GFM2: variants seen among roughly 807,000 people sequenced by gnomAD.
GFM2 encodes ribosome-releasing factor 2, mitochondrial.
A neutral mutation model predicts 95.4 loss-of-function variants in GFM2; 72 were observed. The observed-to-expected ratio is 0.76, with a 90% CI of 0.62 to 0.92. The LOEUF (loss-of-function observed/expected upper bound fraction) is 0.92, where lower values mean the gene tolerates loss of function less well. Ranked by LOEUF, GFM2 falls within the 40% of genes least tolerant of loss-of-function variation. GFM2 has a pLI of 0.00. For missense variants in GFM2, 825 were observed against 924.1 expected, an observed-to-expected ratio of 0.89 and a Z score of 1.39; for synonymous variants, 276 against 317.5, an observed-to-expected ratio of 0.87 and a Z score of 1.39.
In GFM2 at chr5:74,766,956, C is replaced by A. The variant is rs1168369107; in HGVS notation, c.-43G>T. ...TACTCACCTGGCATTAGGCCGCGTGCCGCAGGCCAGCTCTCACCGCTGGGC... is the reference window on the plus strand; with the variant it reads ...TACTCACCTGGCATTAGGCCGCGTGACGCAGGCCAGCTCTCACCGCTGGGC... On this transcript the variant is annotated 5_prime_UTR_variant, in exon 1 of 21. Coordinates refer to ENST00000296805, the MANE Select transcript of GFM2 (RefSeq NM_032380.5). The A allele has an allele frequency of 1.1e-5, 2 of 185,060 alleles. No individual in the cohort carries two copies. Among genetic ancestry groups the A allele is most frequent in the Non-Finnish European group, 2.3e-5 (2 of 86,060 alleles). 11.5% of individuals were successfully genotyped at this position (185,060 alleles called of 1,614,324 possible).
chr5:74,755,602 C>A (rs376249756), intron 5 of GFM2, among the ~76,000 whole-genome samples: 1 of 152,058 alleles, frequency 6.6e-6, no homozygotes, highest in Non-Finnish European at 1.5e-5. Flanking sequence ...AACACCTTTA[C>A]GCGCATAAAC....
intron 10 of GFM2, among the ~76,000 whole-genome samples, chr5:74,742,335 T>C (rs181909555): frequency 2.4e-4 from 37 of 152,050 alleles, no homozygotes; most frequent in African/African-American, 8.0e-4. Flanking sequence ...GAAAGCATTA[T>C]ATGTGATGGT....
At chr5:74,722,123 A>G (rs1749919860) in intron 20 of GFM2, among the ~76,000 whole-genome samples, 1 of 152,154 alleles carries the variant, frequency 6.6e-6, no homozygotes, top group South Asian at 2.1e-4. Context: ...AATGCTTGGC[A>G]GGGAAAAAAT....
At chr5:74,726,210 A>C (rs1750141044) in intron 17 of GFM2, 84 bp from the exon 18 acceptor site, 1 of 875,832 alleles carries the variant, frequency 1.1e-6, no homozygotes, top group Non-Finnish European at 1.8e-6. Context: ...TATCATCAAC[A>C]AGCTCAGGGT....
In GFM2 at chr5:74,765,039, G is replaced by C. The variant is rs527912893; in HGVS notation, c.-24-1273C>G. On this transcript the variant is annotated intron_variant, in intron 1 of 20. Coordinates refer to ENST00000296805, the MANE Select transcript of GFM2 (RefSeq NM_032380.5). The stretch of plus-strand genomic sequence containing the variant: ...GACCTCAAGTGATCTACCCACCTCG[G>C]CCTCCCAAAGTGCTGGGATTACAGG... 29 of 868,488 alleles carry C rather than the reference G, an allele frequency of 3.3e-5. 1 individual carries two copies. In the South Asian group the frequency reaches 4.0e-4, roughly 12 times the overall value. 53.8% of individuals were successfully genotyped at this position (868,488 alleles called of 1,614,324 possible). A position where few individuals can be genotyped will look rare whatever the true frequency, so the allele number is the denominator to read the frequency against.
intron 3 of GFM2, among the ~76,000 whole-genome samples, chr5:74,760,576 T>TA (rs974405051): frequency 1.9e-4 from 29 of 152,232 alleles, no homozygotes; most frequent in African/African-American, 6.7e-4. Flanking sequence ...AACACTTGCA[T>TA]AAAAAACAGA....
intron 5 of GFM2, among the ~76,000 whole-genome samples, chr5:74,757,320 G>A (rs1744038644): frequency 6.6e-6 from 1 of 151,932 alleles, no homozygotes. Context: ...CTTACTATGA[G>A]AGCAAGATCT....
At chr5:74,748,198 C>A (rs1448634411) in intron 7 of GFM2, among the ~76,000 whole-genome samples, 1 of 152,122 alleles carries the variant, frequency 6.6e-6, no homozygotes, top group Non-Finnish European at 1.5e-5. Context: ...GGAATTTTGC[C>A]TTAATTATTT....
At chr5:74,755,983 C>A (rs1029829007) in intron 5 of GFM2, among the ~76,000 whole-genome samples, 10 of 152,114 alleles carry the variant, frequency 6.6e-5, no homozygotes, top group Non-Finnish European at 1.5e-4. Context: ...TAACTGAATC[C>A]AACAGCATAC....
At chr5:74,723,324 G>A (rs1220531995) in intron 19 of GFM2, among the ~76,000 whole-genome samples, 1 of 152,256 alleles carries the variant, frequency 6.6e-6, no homozygotes, top group Admixed American at 6.5e-5. Flanking sequence ...CCTGCTTTGG[G>A]ATAGTGTCTG....
chr5:74,752,255 A>T (rs1225058104), intron 5 of GFM2, among the ~76,000 whole-genome samples: 1 of 152,230 alleles, frequency 6.6e-6, no homozygotes, highest in African/African-American at 2.4e-5. Context: ...TAGTTGAATT[A>T]AGCATATTAT....
chr5:74,749,882 G>A (rs1471504597), intron 7 of GFM2, among the ~76,000 whole-genome samples: 1 of 152,102 alleles, frequency 6.6e-6, no homozygotes, highest in African/African-American at 2.4e-5. Flanking sequence ...CCCCAAGGCT[G>A]TAAAGATATT....
At chr5:74,756,389 A>T (rs932318922) in intron 5 of GFM2, among the ~76,000 whole-genome samples, 3 of 152,156 alleles carry the variant, frequency 2.0e-5, no homozygotes, top group Non-Finnish European at 4.4e-5. Context: ...CAGATGTTGG[A>T]GTGGATGTGG....
intron 17 of GFM2, among the ~76,000 whole-genome samples, chr5:74,729,662 T>C (rs1318865317): frequency 2.0e-5 from 3 of 151,032 alleles, no homozygotes; most frequent in Non-Finnish European, 4.4e-5. Context: ...TGAAAGTACC[T>C]GGTTATCCTA....
In GFM2 at chr5:74,750,615, A is replaced by G; in HGVS notation, c.483T>C (p.Gly161=). 1.2e-6 allele frequency: 2 copies of G among 1,613,536 alleles called. No individual in the cohort carries two copies. The highest frequency in any genetic ancestry group is 8.5e-7 in the Non-Finnish European group (1 of 1,179,622). ...CAGAGGCATCAAATACAGCCACTGC[A>G]CCATCCAACACTCTTAGGCACCGCT... ...EVERCLRVLD[G]AVAVFDASAG... The change falls in exon 7 of 21, where the codon GGT becomes GGC. Residue 161 remains glycine, a synonymous_variant. Coordinates refer to ENST00000296805, the MANE Select transcript of GFM2 (RefSeq NM_032380.5).
intron 5 of GFM2, among the ~76,000 whole-genome samples, chr5:74,754,555 A>C (rs989074819): frequency 6.6e-6 from 1 of 152,192 alleles, no homozygotes; most frequent in Non-Finnish European, 1.5e-5. Context: ...GTGAGCAGGA[A>C]TAACTGTTCT....
intron 7 of GFM2, among the ~76,000 whole-genome samples, chr5:74,748,324 C>T (rs570719556): frequency 4.6e-5 from 7 of 152,170 alleles, no homozygotes; most frequent in South Asian, 4.1e-4. Flanking sequence ...TAGCTCAATG[C>T]GTTTTGATAA....
At chr5:74,752,378 C>T (rs1054485850) in intron 5 of GFM2, among the ~76,000 whole-genome samples, 31 of 151,988 alleles carry the variant, frequency 2.0e-4, no homozygotes, top group African/African-American at 7.3e-4. Flanking sequence ...AGCTAGTTGC[C>T]CCATATATGT....
At chr5:74,748,560 T>C (rs1385966785) in intron 7 of GFM2, among the ~76,000 whole-genome samples, 5 of 152,150 alleles carry the variant, frequency 3.3e-5, no homozygotes, top group African/African-American at 1.2e-4. Flanking sequence ...TAATTATACA[T>C]ACGTACCAGT....
Sources: allele counts gnomAD v4.1 joint callset (sites outside exome capture counted in the v4.1 genomes callset), GRCh38; gene constraint gnomAD v4.1.1; transcripts MANE v1.5; gene names NCBI Gene and HGNC (gene_info 2026-07-23, HGNC 2026-07-21).